The following CTNND2 variants were observed in gnomAD, a reference collection of about 807,000 sequenced individuals.
CTNND2 encodes catenin delta-2.
In CTNND2, 22 loss-of-function variants were observed where a neutral mutation model predicts 144.4. The ratio of observed to expected loss-of-function variants is 0.15; its 90% CI spans 0.11 to 0.22. The LOEUF (loss-of-function observed/expected upper bound fraction) is 0.22. Ranked by LOEUF, CTNND2 falls within the 10% of genes least tolerant of loss-of-function variation. The pLI is 1.00. For synonymous variants in CTNND2, 751 were observed against 695.6 expected (o/e 1.08, Z -1.25); for missense variants, 1,353 against 1,618.8 (o/e 0.84, Z 2.82).
At chr5:11,811,720 A>G (rs1792343947) in intron 1 of CTNND2, among the ~76,000 whole-genome samples, 1 of 152,164 alleles carries the variant, frequency 6.6e-6, no homozygotes, top group Admixed American at 6.5e-5. Context: ...CCCCATTTCC[A>G]TAATGGGAGA....
chr5:11,751,141 G>A (rs1788592704), intron 1 of CTNND2, among the ~76,000 whole-genome samples: 1 of 151,908 alleles, frequency 6.6e-6, no homozygotes, highest in Non-Finnish European at 1.5e-5. Flanking sequence ...AGTGAATTTT[G>A]TTGATGTGCT....
chr5:11,164,157 A>T (rs1759070700), intron 11 of CTNND2, among the ~76,000 whole-genome samples: 1 of 152,016 alleles, frequency 6.6e-6, no homozygotes, highest in South Asian at 2.1e-4. Flanking sequence ...CCTCCCTCTC[A>T]TAAGGGCACT....
chr5:11,726,840 G>C (rs1164947666), intron 2 of CTNND2, among the ~76,000 whole-genome samples: 1 of 152,158 alleles, frequency 6.6e-6, no homozygotes, highest in East Asian at 1.9e-4. Context: ...TTAATTCTTG[G>C]AATGGAGTTT....
chr5:11,145,721 G>A (rs754345996), intron 12 of CTNND2, among the ~76,000 whole-genome samples: 5 of 152,092 alleles, frequency 3.3e-5, no homozygotes, highest in East Asian at 3.9e-4. Flanking sequence ...GAGGAGCCCC[G>A]TGTCTCTTCC....
At chr5:11,692,624 T>A (rs1465209927) in intron 2 of CTNND2, among the ~76,000 whole-genome samples, 1 of 152,172 alleles carries the variant, frequency 6.6e-6, no homozygotes, top group African/African-American at 2.4e-5. Flanking sequence ...TTATTTGAGA[T>A]GGAGTATCGC....
chr5:11,390,736 G>A (rs556884046), intron 6 of CTNND2, among the ~76,000 whole-genome samples: 9 of 152,330 alleles, frequency 5.9e-5, no homozygotes, highest in African/African-American at 2.2e-4. Flanking sequence ...CTGGAGCCCC[G>A]TTTTGTGGCT....
intron 6 of CTNND2, among the ~76,000 whole-genome samples, chr5:11,396,178 A>T (rs1760111373): frequency 6.6e-6 from 1 of 152,224 alleles, no homozygotes; most frequent in African/African-American, 2.4e-5. Flanking sequence ...GCAGTTCTTC[A>T]TTCCAGAAGC....
intron 1 of CTNND2, among the ~76,000 whole-genome samples, chr5:11,863,704 T>C (rs1795607659): frequency 6.6e-6 from 1 of 152,198 alleles, no homozygotes; most frequent in Admixed American, 6.5e-5. Context: ...TTGCCTCTTC[T>C]ATCAAAGTAC....
chr5:11,676,772 C>T (rs1418600508), intron 2 of CTNND2, among the ~76,000 whole-genome samples: 9 of 152,130 alleles, frequency 5.9e-5, no homozygotes, highest in Admixed American at 5.9e-4. Flanking sequence ...TTGTATTTTA[C>T]GTTCTACTGC....
At chr5:11,802,527 A>G (rs2126890122) in intron 1 of CTNND2, among the ~76,000 whole-genome samples, 1 of 150,796 alleles carries the variant, frequency 6.6e-6, no homozygotes, top group East Asian at 2.0e-4. Context: ...AGATCGTGCC[A>G]TTGCACTCCA....
chr5:11,121,717 A>C lies in CTNND2; in HGVS notation c.2160-4150T>G, dbSNP rs554045259. ...AATCTCCATCACTCAGTGCTCTCCT[A>C]GGACCCAACGTGGAACTCAGACCAT... On this transcript the variant is annotated intron_variant, in intron 12 of 21. Coordinates refer to ENST00000304623, the MANE Select transcript of CTNND2 (RefSeq NM_001332.4). Among the ~76,000 whole-genome samples, 4 of 152,276 alleles carry C rather than the reference A, an allele frequency of 2.6e-5. No homozygotes were observed. The East Asian group carries it at 5.8e-4, about 22-fold the overall frequency.
At chr5:10,994,859 T>C (rs1231180517) in intron 18 of CTNND2, among the ~76,000 whole-genome samples, 2 of 151,886 alleles carry the variant, frequency 1.3e-5, no homozygotes, top group Non-Finnish European at 2.9e-5. Flanking sequence ...GTGCTGGTGG[T>C]GGGAAGCGTG....
chr5:11,395,133 T>C (rs1223684186), intron 6 of CTNND2, among the ~76,000 whole-genome samples: 1 of 152,234 alleles, frequency 6.6e-6, no homozygotes, highest in Non-Finnish European at 1.5e-5. Context: ...AGTGTCATTA[T>C]TGGAATGGAA....
At chr5:11,155,139 C>T (rs1160482437) in intron 12 of CTNND2, among the ~76,000 whole-genome samples, 1 of 152,196 alleles carries the variant, frequency 6.6e-6, no homozygotes, top group Non-Finnish European at 1.5e-5. Flanking sequence ...GCGGAGCCAG[C>T]TCAATGTTCC....
At chr5:11,668,744 G>A (rs1224661745) in intron 2 of CTNND2, among the ~76,000 whole-genome samples, 1 of 151,942 alleles carries the variant, frequency 6.6e-6, no homozygotes, top group African/African-American at 2.4e-5. Flanking sequence ...ATCCTAACTG[G>A]ATACCCTGTA....
chr5:11,241,107 G>A (rs1742389227), intron 9 of CTNND2, among the ~76,000 whole-genome samples: 1 of 147,268 alleles, frequency 6.8e-6, no homozygotes, highest in South Asian at 2.2e-4. Flanking sequence ...CACCCAACAT[G>A]TACACACACA....
At chr5:11,048,217 G>C (rs905035424) in intron 16 of CTNND2, among the ~76,000 whole-genome samples, 2 of 152,060 alleles carry the variant, frequency 1.3e-5, no homozygotes, top group Non-Finnish European at 2.9e-5. Context: ...TCCAATCTCT[G>C]CATCTACTTA....
chr5:11,853,416 G>A (rs899601326), intron 1 of CTNND2, among the ~76,000 whole-genome samples: 4 of 152,070 alleles, frequency 2.6e-5, no homozygotes, highest in African/African-American at 9.7e-5. Flanking sequence ...TCACACCAGG[G>A]CTCAGTGGTC....
At chr5:11,785,978 T>C (rs1437665924) in intron 1 of CTNND2, among the ~76,000 whole-genome samples, 1 of 152,206 alleles carries the variant, frequency 6.6e-6, no homozygotes, top group Non-Finnish European at 1.5e-5. Flanking sequence ...GGGGTCACAC[T>C]GCTGCCGCTG....
Sources: gnomAD v4.1 joint callset for allele counts (sites outside exome capture counted in the v4.1 genomes callset) on GRCh38, gnomAD v4.1.1 for gene constraint, MANE v1.5 for transcripts, NCBI Gene and HGNC (gene_info 2026-07-23, HGNC 2026-07-21) for gene names.